The following OSBPL3 variants were observed in gnomAD, a reference collection of about 807,000 sequenced individuals.
The protein encoded by OSBPL3 is oxysterol binding protein like 3.
In OSBPL3, 65 loss-of-function variants were observed where a neutral mutation model predicts 120.1. The observed-to-expected ratio is 0.54, with a 90% confidence interval of 0.44 to 0.67. The LOEUF (loss-of-function observed/expected upper bound fraction) is 0.67, where lower values mean the gene tolerates loss of function less well. Among genes scored for constraint, OSBPL3 ranks in the 30% least tolerant of loss-of-function variants. The pLI is 0.00. For synonymous variants in OSBPL3, 416 were observed against 402.6 expected (o/e 1.03, Z -0.40); for missense variants, 1,004 against 1,082.1 (o/e 0.93, Z 1.01).
Position 24,865,238 on chromosome 7 carries a change from G to A in OSBPL3, c.673+104C>T, listed in dbSNP as rs1380465226. 4.1e-6 allele frequency: 5 copies of A among 1,212,174 alleles called. No individual in the cohort carries two copies. In the Admixed American group the frequency reaches 6.2e-5, roughly 15 times the overall value. 75.1% of individuals were successfully genotyped at this position (1,212,174 alleles called of 1,614,324 possible). ...TTACAAGCAAAATATGGAAGGGAAT[G>A]TGGACAAGCATAGGGGAAGGACACA... On this transcript the variant is annotated intron_variant, in intron 7 of 22. Transcript: ENST00000313367.
chr7:24,930,396 T>C lies in OSBPL3; in HGVS notation c.-149-37775A>G, dbSNP rs763759666. 4.6e-5 allele frequency among the ~76,000 whole-genome samples: 7 copies of C among 152,138 alleles called. No homozygotes were observed. The highest frequency in any genetic ancestry group is 7.2e-5 in the African/African-American group (3 of 41,412). On this transcript the variant is annotated intron_variant, in intron 1 of 22. Coordinates refer to ENST00000313367, the MANE Select transcript of OSBPL3 (RefSeq NM_015550.4). The surrounding 1 kb of genome is among the most constrained non-coding windows in gnomAD (Gnocchi z 4.4). ...TGCCTATCCAAGATTAAGATTACAC[T>C]TAACAAAGGTTTCCCATCTCTTGTT...
intron 1 of OSBPL3, among the ~76,000 whole-genome samples, chr7:24,951,589 C>A (rs1363290648): frequency 3.3e-5 from 5 of 152,178 alleles, no homozygotes; most frequent in African/African-American, 1.2e-4. Flanking sequence ...TGCATATACA[C>A]AAATCCCTTC....
In OSBPL3 at chr7:24,866,164, A is replaced by G. The variant is rs1438042091; in HGVS notation, c.455T>C (p.Ile152Thr). 6.2e-7 allele frequency: 1 copy of G among 1,612,338 alleles called. No homozygotes were observed. Among genetic ancestry groups the G allele is most frequent in the African/African-American group, 1.3e-5 (1 of 75,006 alleles). ...RHHRMYRQNEIAMFPHEVNHF... is the reference protein window; with the variant it reads ...RHHRMYRQNETAMFPHEVNHF... ...GTTAACTTCATGTGGAAACATGGCA[A>G]TTTCATTCTGACGATACATTCTGTG... is the stretch of plus-strand genomic sequence containing the variant. Residue 152 changes from isoleucine (I) to threonine (T), a missense_variant, in exon 6 of 23, where the codon ATT becomes ACT. Ile to Thr is a moderately conservative substitution (Grantham distance 89, BLOSUM62 -1). Coordinates refer to ENST00000313367, the MANE Select transcript of OSBPL3 (RefSeq NM_015550.4).
chr7:24,979,833 C>T, intron 1 of OSBPL3, 53 bp downstream of exon 1: 1 of 701,350 alleles, frequency 1.4e-6, no homozygotes, highest in Middle Eastern at 6.8e-4. Flanking sequence ...CCCGCGCCGC[C>T]GCCAGGCCCC....
intron 1 of OSBPL3, among the ~76,000 whole-genome samples, chr7:24,924,259 GAC>G (rs1810759580): frequency 6.6e-6 from 1 of 152,080 alleles, no homozygotes; most frequent in Non-Finnish European, 1.5e-5. Context: ...TGAAAATAAA[GAC>G]CACAAGAAAA....
At position 24,879,869 on chromosome 7, in the gene OSBPL3, T is replaced by C. The variant is rs914397430; in HGVS notation, c.97-7800A>G. ...ATGGCTACAATTACTTTGGCATGTT[T>C]TTAGGCCCCTCAGATATATTGGGAA... On this transcript the variant is annotated intron_variant, in intron 2 of 22. Transcript: ENST00000313367. The surrounding 1 kb of genome is among the most constrained non-coding windows in gnomAD (Gnocchi z 5.6). Among the ~76,000 whole-genome samples, 2 of 152,260 alleles carry C rather than the reference T, an allele frequency of 1.3e-5. No homozygotes were observed. The highest frequency in any genetic ancestry group is 2.9e-5 in the Non-Finnish European group (2 of 68,042).
chr7:24,923,308 G>A (rs1810630441), intron 1 of OSBPL3, among the ~76,000 whole-genome samples: 1 of 152,094 alleles, frequency 6.6e-6, no homozygotes, highest in African/African-American at 2.4e-5. Flanking sequence ...TCCACTCTCA[G>A]GGTGAATCAG....
intron 1 of OSBPL3, among the ~76,000 whole-genome samples, chr7:24,976,200 G>C (rs76703877): frequency 0.033 from 5,051 of 152,254 alleles, 138 homozygotes; most frequent in Middle Eastern, 0.058. Flanking sequence ...TTGCCCTGAG[G>C]ATTAAATGCA....
At position 24,947,942 on chromosome 7, in the gene OSBPL3, C is replaced by T. The variant is rs560643191; in HGVS notation, c.-150+31944G>A. Among the ~76,000 whole-genome samples, 5 of 152,236 alleles carry T rather than the reference C, an allele frequency of 3.3e-5. No homozygotes were observed. The East Asian group carries it at 9.6e-4, about 29-fold the overall frequency. ...GCCAAAGATGCAAGAGATTATATCA[C>T]AGATTAAGCTTTAAGAATGATTTTT... On this transcript the variant is annotated intron_variant, in intron 1 of 22. Coordinates refer to ENST00000313367, the MANE Select transcript of OSBPL3 (RefSeq NM_015550.4). This position sits in a 1 kb window ranked among gnomAD's most constrained non-coding sequence, Gnocchi z 4.4.
In OSBPL3 at chr7:24,804,300, A is replaced by G. The variant is rs1270168237; in HGVS notation, c.2567+15T>C. The G allele has an allele frequency of 3.7e-6, 6 of 1,613,892 alleles. No homozygotes were observed. Among genetic ancestry groups the G allele is most frequent in the Non-Finnish European group, 5.1e-6 (6 of 1,179,968 alleles). On this transcript the variant is annotated intron_variant, in intron 22 of 22. Coordinates refer to ENST00000313367, the MANE Select transcript of OSBPL3 (RefSeq NM_015550.4). The surrounding 1 kb of genome is among the most constrained non-coding windows in gnomAD (Gnocchi z 5.4). Reference sequence around the variant, plus strand: ...CCACCTATCAACCAAAAACCTACTCAATCCAGGCACGAACCTGAAAAACCG... The same window carrying G: ...CCACCTATCAACCAAAAACCTACTCGATCCAGGCACGAACCTGAAAAACCG...
In OSBPL3 at chr7:24,871,562, C is replaced by T. The variant is rs140381476; in HGVS notation, c.267+180G>A. On this transcript the variant is annotated intron_variant, in intron 4 of 22. Transcript: ENST00000313367. This position sits in a 1 kb window ranked among gnomAD's most constrained non-coding sequence, Gnocchi z 4.8. ...AGAGAGTGTTGCGGGAGCCCCTGCA[C>T]CTTGACCTGGTGGAAGAACTGAGCC... 0.011 allele frequency among the ~76,000 whole-genome samples: 1,683 copies of T among 152,264 alleles called. 12 individuals carry two copies. Among genetic ancestry groups the T allele is most frequent in the Non-Finnish European group, 0.018 (1,250 of 68,026 alleles).
chr7:24,908,396 T>C lies in OSBPL3; in HGVS notation c.-149-15775A>G, dbSNP rs143482069. The stretch of plus-strand genomic sequence containing the variant: ...TTTTATCAGCACATGTGGTATTCAT[T>C]CTAAAGTTTCAGTTTCTGAGAAGAA... On this transcript the variant is annotated intron_variant, in intron 1 of 22. Coordinates refer to ENST00000313367, the MANE Select transcript of OSBPL3 (RefSeq NM_015550.4). Among the ~76,000 whole-genome samples the C allele has an allele frequency of 1.5e-4, 23 of 152,358 alleles. No homozygotes were observed. In the East Asian group the frequency reaches 4.4e-3, roughly 29 times the overall value.
intron 7 of OSBPL3, among the ~76,000 whole-genome samples, chr7:24,864,300 G>A (rs1584425140): frequency 6.6e-6 from 1 of 152,164 alleles, no homozygotes; most frequent in Non-Finnish European, 1.5e-5. Flanking sequence ...TTAGGCTAGA[G>A]GCTCTCACAC....
At position 24,806,704 on chromosome 7, in the gene OSBPL3, A is replaced by G; in HGVS notation, c.2444+72T>C. 1.4e-6 allele frequency: 2 copies of G among 1,453,214 alleles called. No homozygotes were observed. Among genetic ancestry groups the G allele is most frequent in the Non-Finnish European group, 1.9e-6 (2 of 1,060,832 alleles). The allele number at this position is 1,453,214 out of a possible 1,614,324, so 90.0% of individuals were successfully genotyped here. On this transcript the variant is annotated intron_variant, in intron 21 of 22. Coordinates refer to ENST00000313367, the MANE Select transcript of OSBPL3 (RefSeq NM_015550.4). This position sits in a 1 kb window ranked among gnomAD's most constrained non-coding sequence, Gnocchi z 5.2. ...CTTTCTCAGGTGCCTCTGGTGGCCT[A>G]AGGATTGTTAATAAGACTTTTTGTA... is the stretch of plus-strand genomic sequence containing the variant.
chr7:24,978,411 T>A (rs898334257), intron 1 of OSBPL3, among the ~76,000 whole-genome samples: 1 of 152,230 alleles, frequency 6.6e-6, no homozygotes, highest in Non-Finnish European at 1.5e-5. Flanking sequence ...GGTCTCTGCA[T>A]TCCTGGTACT....
rs1804179775 is a variant in OSBPL3, at chr7:24,884,427, G to GCGA, written c.96+7949_96+7950insTCG. 1.3e-5 allele frequency among the ~76,000 whole-genome samples: 2 copies of GCGA among 152,166 alleles called. 1 individual carries two copies. Among genetic ancestry groups the GCGA allele is most frequent in the South Asian group, 4.1e-4 (2 of 4,820 alleles). ...AGTTGTGCTGAGACTCCAAAGGGTA[G>GCGA]CATGAAAGGATATTATGAGCTGTGA... On this transcript the variant is annotated intron_variant, in intron 2 of 22. Transcript: ENST00000313367.
At position 24,957,993 on chromosome 7, in the gene OSBPL3, A is replaced by G. The variant is rs558710928; in HGVS notation, c.-150+21893T>C. Among the ~76,000 whole-genome samples the G allele has an allele frequency of 3.9e-5, 6 of 152,268 alleles. No individual in the cohort carries two copies. In the South Asian group the frequency reaches 8.3e-4, roughly 21 times the overall value. On this transcript the variant is annotated intron_variant, in intron 1 of 22. Coordinates refer to ENST00000313367, the MANE Select transcript of OSBPL3 (RefSeq NM_015550.4). ...TCCCCCATTCTCTATATAAGCCATT[A>G]TTTACTTAACATTCTCCCACATTTA...
At position 24,877,584 on chromosome 7, in the gene OSBPL3, G is replaced by A. The variant is rs1347474423; in HGVS notation, c.97-5515C>T. Reference sequence around the variant, plus strand: ...ACAATCCTACTACCTGGGAAATAGGGGCCGAAATAAATGTTTACTGAATGA... The same window carrying A: ...ACAATCCTACTACCTGGGAAATAGGAGCCGAAATAAATGTTTACTGAATGA... On this transcript the variant is annotated intron_variant, in intron 2 of 22. Coordinates refer to ENST00000313367, the MANE Select transcript of OSBPL3 (RefSeq NM_015550.4). The surrounding 1 kb of genome is among the most constrained non-coding windows in gnomAD (Gnocchi z 4.8). 6.6e-6 allele frequency among the ~76,000 whole-genome samples: 1 copy of A among 152,082 alleles called. No individual in the cohort carries two copies. The highest frequency in any genetic ancestry group is 1.5e-5 in the Non-Finnish European group (1 of 68,018).
chr7:24,914,991 A>T (rs1809339820), intron 1 of OSBPL3, among the ~76,000 whole-genome samples: 1 of 152,234 alleles, frequency 6.6e-6, no homozygotes. Context: ...CAAAAAAGTT[A>T]TCAGTTAAAA....
Sources: gnomAD v4.1 joint callset for allele counts (sites outside exome capture counted in the v4.1 genomes callset) on GRCh38, gnomAD v4.1.1 for gene constraint, Gnocchi (gnomAD v3.1) non-coding constraint, MANE v1.5 for transcripts, NCBI Gene and HGNC (gene_info 2026-07-23, HGNC 2026-07-21) for gene names.